The following FHIT variants were observed in gnomAD, a reference collection of about 807,000 sequenced individuals.
The protein encoded by FHIT is fragile histidine triad diadenosine triphosphatase.
FHIT carries 19 observed loss-of-function variants against 17.9 expected under a neutral mutation model. The ratio of observed to expected loss-of-function variants is 1.06; its 90% CI spans 0.74 to 1.56. FHIT has a LOEUF of 1.56. FHIT is among the 40% of genes most tolerant of loss of function. The pLI, the probability that FHIT is intolerant of heterozygous loss-of-function variation, is 0.00. For missense variants in FHIT, 248 were observed against 189.2 expected, an observed-to-expected ratio of 1.31 and a Z score of -1.82; for synonymous variants, 81 against 69.7, an observed-to-expected ratio of 1.16 and a Z score of -0.81.
At chr3:59,754,113 T>C (rs961221457) in intron 8 of FHIT, among the ~76,000 whole-genome samples, 5 of 152,238 alleles carry the variant, frequency 3.3e-5, no homozygotes, top group East Asian at 3.9e-4. Context: ...GATGGAGAAA[T>C]TTCCCCATTT....
chr3:60,169,569 T>C (rs1701328001), intron 5 of FHIT, among the ~76,000 whole-genome samples: 1 of 152,182 alleles, frequency 6.6e-6, no homozygotes, highest in Admixed American at 6.5e-5. Flanking sequence ...AGAAAACTAT[T>C]AAGGCCCTTA....
At chr3:61,034,594 C>T (rs1263054447) in intron 3 of FHIT, among the ~76,000 whole-genome samples, 3 of 152,142 alleles carry the variant, frequency 2.0e-5, no homozygotes, top group Non-Finnish European at 4.4e-5. Flanking sequence ...TACTTCACAC[C>T]TAATAGGATG....
At chr3:60,076,102 C>G (rs1702994721) in intron 5 of FHIT, among the ~76,000 whole-genome samples, 1 of 152,040 alleles carries the variant, frequency 6.6e-6, no homozygotes, top group African/African-American at 2.4e-5. Context: ...TTTCATACAT[C>G]AAGACGTAAT....
intron 2 of FHIT, among the ~76,000 whole-genome samples, chr3:61,112,374 A>G (rs1188057313): frequency 6.6e-6 from 1 of 151,354 alleles, no homozygotes; most frequent in Non-Finnish European, 1.5e-5. Flanking sequence ...TCAAGTTCTT[A>G]TTTCTCACAT....
At chr3:61,174,482 A>G (rs2107144622) in intron 2 of FHIT, among the ~76,000 whole-genome samples, 1 of 152,360 alleles carries the variant, frequency 6.6e-6, no homozygotes, top group East Asian at 1.9e-4. Flanking sequence ...TGTATGGTTC[A>G]TCTGCGTTGG....
intron 4 of FHIT, among the ~76,000 whole-genome samples, chr3:60,573,436 T>C (rs559384799): frequency 1.3e-5 from 2 of 152,144 alleles, no homozygotes; most frequent in Non-Finnish European, 2.9e-5. Context: ...AACTAAAAAC[T>C]GTAGTGGGTA....
At chr3:59,938,407 G>A (rs542760968) in intron 7 of FHIT, among the ~76,000 whole-genome samples, 1 of 152,210 alleles carries the variant, frequency 6.6e-6, no homozygotes, top group South Asian at 2.1e-4. Flanking sequence ...GGTTGGGAGG[G>A]CAGAATGGGG....
chr3:60,136,342 T>A (rs1165114259), intron 5 of FHIT, among the ~76,000 whole-genome samples: 1 of 152,166 alleles, frequency 6.6e-6, no homozygotes, highest in Non-Finnish European at 1.5e-5. Flanking sequence ...ATATTCTTCT[T>A]CATCCCATAA....
intron 7 of FHIT, among the ~76,000 whole-genome samples, chr3:59,925,840 G>C (rs12489018): frequency 1.3e-5 from 2 of 152,110 alleles, no homozygotes; most frequent in African/African-American, 4.8e-5. Flanking sequence ...AATCACGATA[G>C]AGCCAGCTCA....
chr3:60,886,512 T>C (rs1470001190), intron 3 of FHIT, among the ~76,000 whole-genome samples: 1 of 152,168 alleles, frequency 6.6e-6, no homozygotes, highest in African/African-American at 2.4e-5. Flanking sequence ...CATTGACTTC[T>C]GGTAAGAGAA....
chr3:60,768,119 C>T (rs1553722002), intron 4 of FHIT, among the ~76,000 whole-genome samples: 1 of 152,120 alleles, frequency 6.6e-6, no homozygotes, highest in Non-Finnish European at 1.5e-5. Context: ...AGGTGAGTAG[C>T]CCTAAAGGAC....
rs144038395 is a variant in FHIT, at chr3:61,225,110, C to G, written c.-212-24445G>C. ...TCCAGAGCCTGTGCTCTACACAACACAGTGGCATATGACAGCATCCGCAAG... is the reference window on the plus strand; with the variant it reads ...TCCAGAGCCTGTGCTCTACACAACAGAGTGGCATATGACAGCATCCGCAAG... On this transcript the variant is annotated intron_variant, in intron 1 of 9. Coordinates refer to ENST00000492590, the MANE Select transcript of FHIT (RefSeq NM_002012.4). Among the ~76,000 whole-genome samples the G allele has an allele frequency of 5.0e-3, 768 of 152,314 alleles. 9 individuals are homozygous for G. Among genetic ancestry groups the G allele is most frequent in the African/African-American group, 0.018 (736 of 41,566 alleles).
intron 5 of FHIT, among the ~76,000 whole-genome samples, chr3:60,067,747 A>G (rs1159923484): frequency 6.6e-6 from 1 of 152,194 alleles, no homozygotes; most frequent in African/African-American, 2.4e-5. Context: ...CGACAGCCCC[A>G]TTCCATCATT....
At chr3:60,634,325 A>T (rs895193556) in intron 4 of FHIT, among the ~76,000 whole-genome samples, 2 of 152,224 alleles carry the variant, frequency 1.3e-5, no homozygotes, top group Non-Finnish European at 2.9e-5. Context: ...TAACAAACTG[A>T]ACTAGGAGAC....
intron 8 of FHIT, among the ~76,000 whole-genome samples, chr3:59,753,257 G>A (rs1701017278): frequency 6.6e-6 from 1 of 151,760 alleles, no homozygotes; most frequent in Non-Finnish European, 1.5e-5. Flanking sequence ...GTTCAAGCAG[G>A]GAAACAGTAA....
intron 7 of FHIT, among the ~76,000 whole-genome samples, chr3:59,953,641 T>C (rs1467049727): frequency 2.0e-5 from 3 of 152,146 alleles, no homozygotes; most frequent in African/African-American, 2.4e-5. Flanking sequence ...ATAAATTAAG[T>C]ACTGTGCTCG....
intron 5 of FHIT, among the ~76,000 whole-genome samples, chr3:60,124,049 G>GAGAGAGAGAGGGAGAGAGACAGAGAGAC (rs1705421859): frequency 1.8e-5 from 2 of 109,474 alleles, no homozygotes; most frequent in African/African-American, 8.7e-5. Flanking sequence ...GAGAGAGAGA[G>GAGAGAGAGAGGGAGAGAGACAGAGAGAC]AGAGAGACAG....
chr3:61,031,876 G>C (rs1485754228), intron 3 of FHIT, among the ~76,000 whole-genome samples: 1 of 152,158 alleles, frequency 6.6e-6, no homozygotes, highest in East Asian at 1.9e-4. Flanking sequence ...CCAGAATTCT[G>C]GCAGGAAAAT....
At chr3:60,935,639 G>A (rs1257368859) in intron 3 of FHIT, among the ~76,000 whole-genome samples, 8 of 152,216 alleles carry the variant, frequency 5.3e-5, no homozygotes, top group African/African-American at 1.2e-4. Context: ...GGGTGCATCC[G>A]TCGATAACTT....
Sources: gnomAD v4.1 joint callset for allele counts (sites outside exome capture counted in the v4.1 genomes callset) on GRCh38, gnomAD v4.1.1 for gene constraint, MANE v1.5 for transcripts, NCBI Gene and HGNC (gene_info 2026-07-23, HGNC 2026-07-21) for gene names.